The following CAMTA2 variants were observed in gnomAD, a reference collection of about 807,000 sequenced individuals.
CAMTA2 encodes the protein calmodulin binding transcription activator 2.
CAMTA2 carries 56 observed loss-of-function variants against 135.7 expected under a neutral mutation model. That is an observed-to-expected ratio of 0.41 (90% CI 0.33 to 0.52). CAMTA2 has a LOEUF of 0.52. Ranked by LOEUF, CAMTA2 falls within the 20% of genes least tolerant of loss-of-function variation. The pLI is 0.16. For synonymous variants in CAMTA2, 591 were observed against 604.6 expected (o/e 0.98, Z 0.33); for missense variants, 1,358 against 1,553.4 (o/e 0.87, Z 2.11).
rs1972838553 is a variant in CAMTA2, at chr17:4,979,668, T to TAAGCCTGA, written c.1638+8_1638+15dup. 6.4e-7 allele frequency: 1 copy of TAAGCCTGA among 1,565,726 alleles called. No individual in the cohort carries two copies. Among genetic ancestry groups the TAAGCCTGA allele is most frequent in the African/African-American group, 1.4e-5 (1 of 73,684 alleles). On this transcript the variant is annotated intron_variant, in intron 9 of 22. Transcript: ENST00000348066. ...CAAATAGGAGGGAGGAGGGAGGAGG[T>TAAGCCTGA]AAGCCTGAGTCTCACCTCTGGGTAG...
At chr17:4,987,480 C>G in intron 1 of CAMTA2, 113 bp downstream of exon 1, 1 of 1,398,800 alleles carries the variant, frequency 7.1e-7, no homozygotes, top group Non-Finnish European at 9.3e-7. Flanking sequence ...GAGGTGAGGG[C>G]GAACCGGGAA....
At chr17:4,972,649 C>A (rs1008079238) in intron 15 of CAMTA2, 113 bp from the exon 16 acceptor site, 2 of 1,424,250 alleles carry the variant, frequency 1.4e-6, no homozygotes, top group African/African-American at 1.4e-5. Flanking sequence ...CTTCTGTTAT[C>A]TCCCATCCCT....
At chr17:4,981,466 G>T in intron 7 of CAMTA2, 107 bp from the exon 8 acceptor site, 1 of 1,476,732 alleles carries the variant, frequency 6.8e-7, no homozygotes, top group Non-Finnish European at 9.3e-7. Flanking sequence ...CTGGCCAGGT[G>T]AACAGAGGCC....
Position 4,968,649 on chromosome 17 carries a change from G to T in CAMTA2, c.*107C>A. The T allele has an allele frequency of 7.7e-7, 1 of 1,304,730 alleles. No individual in the cohort carries two copies. Among genetic ancestry groups the T allele is most frequent in the South Asian group, 1.2e-5 (1 of 83,374 alleles). 80.8% of individuals were successfully genotyped at this position (1,304,730 alleles called of 1,614,324 possible). On this transcript the variant is annotated 3_prime_UTR_variant, in exon 23 of 23. Coordinates refer to ENST00000348066, the MANE Select transcript of CAMTA2 (RefSeq NM_015099.4). ...GAGGCCTACAGAGGGCTCCAACAAAGGTGAACAGGAAAGCTGCCGACAGGG... is the reference window on the plus strand; with the variant it reads ...GAGGCCTACAGAGGGCTCCAACAAATGTGAACAGGAAAGCTGCCGACAGGG...
intron 11 of CAMTA2, among the ~76,000 whole-genome samples, chr17:4,975,991 G>A (rs1972589525): frequency 6.6e-6 from 1 of 152,216 alleles, no homozygotes; most frequent in Non-Finnish European, 1.5e-5. Flanking sequence ...TCACTGAGAA[G>A]TAGTAGTATA....
chr17:4,974,523 G>A (rs1389474173), intron 11 of CAMTA2, 23 bp from the exon 12 acceptor site: 2 of 1,463,216 alleles, frequency 1.4e-6, no homozygotes, highest in Non-Finnish European at 1.9e-6. Context: ...GGGTATGGGA[G>A]GCTGAGTGGG....
At position 4,969,130 on chromosome 17, in the gene CAMTA2, G is replaced by C. The variant is rs770392542; in HGVS notation, c.3470+20C>G. The C allele has an allele frequency of 1.5e-5, 24 of 1,599,360 alleles. No homozygotes were observed. Among genetic ancestry groups the C allele is most frequent in the Non-Finnish European group, 1.9e-5 (22 of 1,174,320 alleles). On this transcript the variant is annotated intron_variant, in intron 21 of 22. Transcript: ENST00000348066. This position sits in a 1 kb window ranked among gnomAD's most constrained non-coding sequence, Gnocchi z 5.6. ...CGTGGATGCAGTGGGTGGGCACAGA[G>C]GGCTGGGGCTGGGCCCTACTTGTTG...
Position 4,981,264 on chromosome 17 carries a change from C to G in CAMTA2, c.661G>C (p.Ala221Pro), listed in dbSNP as rs772397102. 1 of 1,614,074 alleles carries G rather than the reference C, an allele frequency of 6.2e-7. No individual in the cohort carries two copies. The highest frequency in any genetic ancestry group is 8.5e-7 in the Non-Finnish European group (1 of 1,180,004). ...CAGAGACAGGCGTGGGTTCGGGGAG[C>G]AGGCTTGGTTGGGTGGGTGTCCAAA... is the stretch of plus-strand genomic sequence containing the variant. ...QILDTHPTKP[A>P]PRTHACLCSG... Residue 221 changes from alanine (A) to proline (P), a missense_variant, in exon 8 of 23, where the codon GCT (alanine) becomes CCT (proline). By Grantham distance (27) the Ala-to-Pro change is conservative (BLOSUM62 -1). Transcript: ENST00000348066.
At chr17:4,973,032 T>C (rs72835097) in intron 14 of CAMTA2, 41 bp from the exon 15 acceptor site, 109,134 of 1,557,442 alleles carry the variant, frequency 0.07, 4,302 homozygotes, top group Middle Eastern at 0.16. Context: ...GAGGTGGAGG[T>C]GAGGCCAGGG....
At position 4,972,308 on chromosome 17, in the gene CAMTA2, G is replaced by A. The variant is rs771902140; in HGVS notation, c.2732C>T (p.Pro911Leu). The A allele has an allele frequency of 4.3e-6, 7 of 1,613,944 alleles. No homozygotes were observed. In the South Asian group the frequency reaches 6.6e-5, roughly 15 times the overall value. The change falls in exon 16 of 23, where the codon CCT (proline) becomes CTT (leucine). Residue 911 changes from proline (P) to leucine (L), a missense_variant. Transcript: ENST00000348066. ...TNSKGPLSSL[P>L]ALPPASDDGA... ...ATCATCTGAAGCTGGTGGGAGGGCA[G>A]GAAGGGAGGAGAGGGGCCCCTTGGA...
At position 4,980,450 on chromosome 17, in the gene CAMTA2, G is replaced by A; in HGVS notation, c.872C>T (p.Ser291Phe). Residue 291 changes from serine to phenylalanine, a missense_variant, in exon 9 of 23, where the codon TCT becomes TTT. Around this residue, in one of 4 missense-constraint regions of CAMTA2, gnomAD observed 1,077 missense variants for 1,127.5 expected, o/e 0.96. Transcript: ENST00000348066. The surrounding 1 kb of genome is among the most constrained non-coding windows in gnomAD (Gnocchi z 5.3). ...TGATGAGGAGGAAGAAGAGGAAGAAGATGGGGAGGTGTGTGCCTTGGGGAG... is the reference window on the plus strand; with the variant it reads ...TGATGAGGAGGAAGAAGAGGAAGAAAATGGGGAGGTGTGTGCCTTGGGGAG... ...PELPKAHTSPSSSSSSSSSGF... is the reference protein window; with the variant it reads ...PELPKAHTSPFSSSSSSSSGF... The A allele has an allele frequency of 6.2e-7, 1 of 1,613,554 alleles. No homozygotes were observed. The highest frequency in any genetic ancestry group is 1.3e-5 in the African/African-American group (1 of 74,860).
At chr17:4,975,090 T>C (rs766121391) in intron 11 of CAMTA2, among the ~76,000 whole-genome samples, 26 of 152,022 alleles carry the variant, frequency 1.7e-4, no homozygotes, top group Non-Finnish European at 2.8e-4. Flanking sequence ...CCCCGCCCCA[T>C]ATACAAATAC....
chr17:4,973,983 C>T (rs1171601716), intron 12 of CAMTA2: 1 of 576,542 alleles, frequency 1.7e-6, no homozygotes, highest in Non-Finnish European at 3.1e-6. Context: ...ACAATCTTGC[C>T]CATGTGCCTT....
rs974843209 is a variant in CAMTA2, at chr17:4,980,086, G to C, written c.1236C>G (p.Ala412=). The C allele has an allele frequency of 2.3e-5, 37 of 1,613,614 alleles. No homozygotes were observed. The highest frequency in any genetic ancestry group is 3.1e-5 in the Non-Finnish European group (37 of 1,179,782). Residue 412 remains alanine (A), a synonymous_variant, in exon 9 of 23, where the codon GCC becomes GCG. Transcript: ENST00000348066. This position sits in a 1 kb window ranked among gnomAD's most constrained non-coding sequence, Gnocchi z 5.3. ...GCTCCAGGGCAGCAGCAGGCTCTAG[G>C]GCAGAACAGGGGGTATGAGCGGCCT... The part of the protein sequence containing the change: ...EAEAAHTPCS[A]LEPAAALEPQ...
chr17:4,973,818 G>A, intron 12 of CAMTA2, 49 bp from the exon 13 acceptor site: 1 of 1,509,792 alleles, frequency 6.6e-7, no homozygotes, highest in Non-Finnish European at 8.9e-7. Context: ...TACTCCCCTG[G>A]CTTGAGGTGG....
chr17:4,970,046 T>G lies in CAMTA2; in HGVS notation c.3045A>C (p.Ser1015=). 1 of 1,614,124 alleles carries G rather than the reference T, an allele frequency of 6.2e-7. No individual in the cohort carries two copies. The highest frequency in any genetic ancestry group is 8.5e-7 in the Non-Finnish European group (1 of 1,180,036). ...AGAGAAACTCTGCCCAGGAGGGTGC[T>G]GAAGGGACAGCCAGGCGACCTCGCT... The part of the protein sequence containing the change: ...PFERGRLAVP[S]APSWAEFLSA... The change falls in exon 18 of 23, where the codon TCA becomes TCC. Residue 1015 remains serine (S), a synonymous_variant. Transcript: ENST00000348066.
At chr17:4,986,752 T>C (rs562457385) in intron 1 of CAMTA2, 14 of 554,932 alleles carry the variant, frequency 2.5e-5, no homozygotes, top group African/African-American at 1.8e-4. Context: ...CTTCTCTGTT[T>C]GATTTTTCCA....
rs1038772034 is a variant in CAMTA2, at chr17:4,980,762, C to A, written c.701-141G>T. The A allele has an allele frequency of 3.0e-6, 2 of 671,602 alleles. No individual in the cohort carries two copies. The highest frequency in any genetic ancestry group is 3.6e-5 in the African/African-American group (2 of 55,456). 41.6% of individuals were successfully genotyped at this position (671,602 alleles called of 1,614,324 possible). On this transcript the variant is annotated intron_variant, in intron 8 of 22. Coordinates refer to ENST00000348066, the MANE Select transcript of CAMTA2 (RefSeq NM_015099.4). The surrounding 1 kb of genome is among the most constrained non-coding windows in gnomAD (Gnocchi z 5.3). The stretch of plus-strand genomic sequence containing the variant: ...ACTGATTGTAGCCACTGGGAGGCAT[C>A]AGAAATGTCTGTTCTCTACCCCTAC...
Position 4,981,867 on chromosome 17 carries a change from C to T in CAMTA2, c.412-36G>A, listed in dbSNP as rs201489335. 4.5e-6 allele frequency: 7 copies of T among 1,559,514 alleles called. No homozygotes were observed. In the East Asian group the frequency reaches 1.4e-4, roughly 30 times the overall value. ...AAGGGGACACACAGAGCCATGGGGTCCTGAGGTCCAGGGGCTTGGCTTCCT... is the reference window on the plus strand; with the variant it reads ...AAGGGGACACACAGAGCCATGGGGTTCTGAGGTCCAGGGGCTTGGCTTCCT... On this transcript the variant is annotated intron_variant, in intron 6 of 22. Transcript: ENST00000348066.
Sources: allele counts gnomAD v4.1 joint callset (sites outside exome capture counted in the v4.1 genomes callset), GRCh38; gene constraint gnomAD v4.1.1; regional missense constraint gnomAD v4.1.1; non-coding constraint Gnocchi (gnomAD v3.1); transcripts MANE v1.5; gene names NCBI Gene and HGNC (gene_info 2026-07-23, HGNC 2026-07-21).